Variants in MTF1 observed in about 807,000 individuals in gnomAD.
MTF1 encodes MRE-binding transcription factor.
In MTF1, 22 loss-of-function variants were observed where a neutral mutation model predicts 70.4. The ratio of observed to expected loss-of-function variants is 0.31; its 90% CI spans 0.22 to 0.45. The LOEUF is 0.45. Among genes scored for constraint, MTF1 ranks in the 20% least tolerant of loss-of-function variants. The pLI, the probability that MTF1 is intolerant of heterozygous loss-of-function variation, is 1.00. For synonymous variants in MTF1, 333 were observed against 352.8 expected (o/e 0.94, Z 0.63); for missense variants, 649 against 922.0 (o/e 0.70, Z 3.83).
chr1:37,818,001 G>A (rs1640845726), intron 9 of MTF1, among the ~76,000 whole-genome samples: 2 of 152,218 alleles, frequency 1.3e-5, no homozygotes, highest in Non-Finnish European at 2.9e-5. Context: ...GGTGGGCCCT[G>A]GATTCAGCCA....
intron 7 of MTF1, among the ~76,000 whole-genome samples, chr1:37,829,916 C>A (rs948336753): frequency 1.3e-5 from 2 of 152,124 alleles, no homozygotes; most frequent in Non-Finnish European, 2.9e-5. Context: ...TATAATTAAA[C>A]CCCAAGGGAT....
chr1:37,848,978 T>G (rs1641374050), intron 2 of MTF1, among the ~76,000 whole-genome samples: 1 of 152,172 alleles, frequency 6.6e-6, no homozygotes, highest in Non-Finnish European at 1.5e-5. Flanking sequence ...GTAAAGGACA[T>G]ACATTGCAAA....
intron 4 of MTF1, among the ~76,000 whole-genome samples, 185 bp from the exon 5 acceptor site, chr1:37,835,929 T>C (rs1012261994): frequency 1.3e-5 from 2 of 151,844 alleles, no homozygotes; most frequent in African/African-American, 4.8e-5. Flanking sequence ...GCCTCCCGAG[T>C]AGCTGGGACT....
At chr1:37,837,392 C>T (rs966661963) in intron 4 of MTF1, among the ~76,000 whole-genome samples, 23 of 152,208 alleles carry the variant, frequency 1.5e-4, no homozygotes, top group African/African-American at 5.3e-4. Flanking sequence ...CTGTCTCTAA[C>T]GACTTTTTAT....
chr1:37,843,685 G>A (rs1641290550), intron 2 of MTF1, among the ~76,000 whole-genome samples: 1 of 152,182 alleles, frequency 6.6e-6, no homozygotes, highest in Non-Finnish European at 1.5e-5. Context: ...CATATACCAT[G>A]ATATACTCTT....
At chr1:37,857,755 C>T (rs1281442337) in intron 1 of MTF1, 46 bp from the exon 2 acceptor site, 5 of 1,199,872 alleles carry the variant, frequency 4.2e-6, no homozygotes, top group Admixed American at 2.3e-5. Flanking sequence ...ACAAGACCGA[C>T]GGACCTCCTC....
chr1:37,832,842 TA>T (rs1557591818), intron 6 of MTF1, among the ~76,000 whole-genome samples: 2 of 151,902 alleles, frequency 1.3e-5, no homozygotes, highest in Non-Finnish European at 2.9e-5. Context: ...CCATCTCTAC[TA>T]AAAATACAAA....
At position 37,813,236 on chromosome 1, in the gene MTF1, C is replaced by CA. The variant is rs1482871478; in HGVS notation, c.*1899dup. ...AGGTTGCGGTGAGCCAAGATTGCGC[C>CA]ACTGCACTCCAGCCAGGGCAACAAA... On this transcript the variant is annotated 3_prime_UTR_variant, in exon 11 of 11. Coordinates refer to ENST00000373036, the MANE Select transcript of MTF1 (RefSeq NM_005955.3). 1 of 152,092 alleles carries CA rather than the reference C, an allele frequency of 6.6e-6. No individual in the cohort carries two copies. The highest frequency in any genetic ancestry group is 1.5e-5 in the Non-Finnish European group (1 of 68,076). 9.4% of individuals were successfully genotyped at this position (152,092 alleles called of 1,614,324 possible).
chr1:37,842,422 T>G (rs2148415895), intron 2 of MTF1, among the ~76,000 whole-genome samples: 1 of 152,388 alleles, frequency 6.6e-6, no homozygotes, highest in South Asian at 2.1e-4. Flanking sequence ...AATTATTCTC[T>G]TAACTTCCCG....
intron 7 of MTF1, among the ~76,000 whole-genome samples, chr1:37,831,204 G>A (rs984202741): frequency 2.5e-4 from 38 of 152,090 alleles, no homozygotes; most frequent in Non-Finnish European, 4.0e-4. Flanking sequence ...TTTTCTGCGG[G>A]AGAGTTGGTC....
chr1:37,855,825 G>A (rs61545622), intron 2 of MTF1, among the ~76,000 whole-genome samples: 11 of 152,192 alleles, frequency 7.2e-5, no homozygotes, highest in African/African-American at 1.9e-4. Context: ...GGGCATGGTG[G>A]TGCGTGCCTG....
At position 37,840,779 on chromosome 1, in the gene MTF1, A is replaced by G. The variant is rs1641242986; in HGVS notation, c.409-621T>C. 6.6e-6 allele frequency among the ~76,000 whole-genome samples: 1 copy of G among 152,036 alleles called. No homozygotes were observed. The highest frequency in any genetic ancestry group is 2.4e-5 in the African/African-American group (1 of 41,422). On this transcript the variant is annotated intron_variant, in intron 2 of 10. Transcript: ENST00000373036. The surrounding 1 kb of genome is among the most constrained non-coding windows in gnomAD (Gnocchi z 4.5). ...AGTCAATTCTTCACCTCATGGCAGA[A>G]GGTTAAGAAAAAAAAAAAAGCTGCT...
At chr1:37,832,346 T>C (rs543491764) in intron 6 of MTF1, 24 bp from the exon 7 acceptor site, 9 of 1,520,462 alleles carry the variant, frequency 5.9e-6, no homozygotes, top group South Asian at 3.4e-5. Flanking sequence ...AAAATTCTAA[T>C]TGAGTAACAA....
intron 6 of MTF1, among the ~76,000 whole-genome samples, chr1:37,833,793 G>A (rs1641122841): frequency 6.6e-6 from 1 of 151,906 alleles, no homozygotes; most frequent in South Asian, 2.1e-4. Context: ...AGAGAGTGAA[G>A]GAAAGAGGGT....
Position 37,814,970 on chromosome 1 carries a change from T to G in MTF1, c.*166A>C. ...TGTTTTTTTCCAAAGAATAGTTCCT[T>G]AAAATGGATGCTCCTGGGATGTGAA... On this transcript the variant is annotated 3_prime_UTR_variant, in exon 11 of 11. Coordinates refer to ENST00000373036, the MANE Select transcript of MTF1 (RefSeq NM_005955.3). 3.2e-6 allele frequency: 2 copies of G among 632,010 alleles called. No individual in the cohort carries two copies. The highest frequency in any genetic ancestry group is 4.6e-5 in the South Asian group (2 of 43,622). 39.2% of individuals were successfully genotyped at this position (632,010 alleles called of 1,614,324 possible).
At chr1:37,858,007 A>G (rs1641526177) in intron 1 of MTF1, among the ~76,000 whole-genome samples, 1 of 132,408 alleles carries the variant, frequency 7.6e-6, no homozygotes, top group Non-Finnish European at 1.7e-5. Context: ...TGAGACCCCC[A>G]TCTCTAATAA....
rs1367602325 is a variant in MTF1, at chr1:37,859,245, G to A, written c.-52+286C>T. The stretch of plus-strand genomic sequence containing the variant: ...TGCGAACAGAGCCCCCTTGAGAGGA[G>A]GCTGGGAAAAGGAACCTGTCTGGGA... On this transcript the variant is annotated intron_variant, in intron 1 of 10. Coordinates refer to ENST00000373036, the MANE Select transcript of MTF1 (RefSeq NM_005955.3). Among the ~76,000 whole-genome samples, 3 of 152,208 alleles carry A rather than the reference G, an allele frequency of 2.0e-5. No homozygotes were observed. The East Asian group carries it at 5.8e-4, about 29-fold the overall frequency.
At chr1:37,834,913 G>A (rs149839175) in intron 6 of MTF1, among the ~76,000 whole-genome samples, 166 bp downstream of exon 6, 39 of 152,360 alleles carry the variant, frequency 2.6e-4, no homozygotes, top group African/African-American at 9.1e-4. Context: ...GGGTGAAGAC[G>A]TCGAGTAGGT....
chr1:37,839,421 G>A (rs1641222974), intron 3 of MTF1, among the ~76,000 whole-genome samples: 1 of 152,150 alleles, frequency 6.6e-6, no homozygotes, highest in African/African-American at 2.4e-5. Flanking sequence ...ATTTTTAAGT[G>A]TTAGCTACTG....
Sources: gnomAD v4.1 joint callset for allele counts (sites outside exome capture counted in the v4.1 genomes callset) on GRCh38, gnomAD v4.1.1 for gene constraint, Gnocchi (gnomAD v3.1) non-coding constraint, MANE v1.5 for transcripts, NCBI Gene and HGNC (gene_info 2026-07-23, HGNC 2026-07-21) for gene names.